Variants in VAV3 observed in about 807,000 individuals in gnomAD.
VAV3 encodes the protein vav guanine nucleotide exchange factor 3.
VAV3 carries 94 observed loss-of-function variants against 131.2 expected under a neutral mutation model. The observed-to-expected ratio is 0.72, with a 90% CI of 0.61 to 0.85. VAV3 has a LOEUF of 0.85. Among genes scored for constraint, VAV3 ranks in the 40% least tolerant of loss-of-function variants. The pLI, the probability that VAV3 is intolerant of heterozygous loss-of-function variation, is 0.00. For synonymous variants in VAV3, 349 were observed against 342.0 expected (o/e 1.02, Z -0.22); for missense variants, 939 against 1,002.7 (o/e 0.94, Z 0.86).
chr1:107,620,189 T>C (rs1323489894), intron 20 of VAV3, among the ~76,000 whole-genome samples: 1 of 152,128 alleles, frequency 6.6e-6, no homozygotes, highest in Non-Finnish European at 1.5e-5. Context: ...AGTGGGCCCT[T>C]AATAAATGTT....
At chr1:107,923,417 C>A (rs1012792431) in intron 1 of VAV3, among the ~76,000 whole-genome samples, 1 of 151,962 alleles carries the variant, frequency 6.6e-6, no homozygotes, top group Admixed American at 6.6e-5. Context: ...TTAGGTCATA[C>A]GAACAGAGCC....
intron 2 of VAV3, among the ~76,000 whole-genome samples, chr1:107,825,127 A>G (rs1031340736): frequency 6.6e-6 from 1 of 152,174 alleles, no homozygotes; most frequent in Non-Finnish European, 1.5e-5. Context: ...AAATGTGAGT[A>G]GCTGCAGCAG....
At chr1:107,891,187 T>C (rs371241020) in intron 1 of VAV3, among the ~76,000 whole-genome samples, 3 of 152,108 alleles carry the variant, frequency 2.0e-5, no homozygotes, top group East Asian at 1.9e-4. Flanking sequence ...ATAAATTGCA[T>C]AGTCATTCAT....
intron 2 of VAV3, among the ~76,000 whole-genome samples, chr1:107,783,147 G>A (rs1223701565): frequency 1.3e-5 from 2 of 152,198 alleles, no homozygotes; most frequent in Non-Finnish European, 2.9e-5. Flanking sequence ...TGAGGCAGGT[G>A]GGAAAGGTAG....
chr1:107,602,294 C>T, intron 24 of VAV3, 103 bp downstream of exon 24: 2 of 766,136 alleles, frequency 2.6e-6, no homozygotes, highest in Non-Finnish European at 3.9e-6. Flanking sequence ...CTTTAAATAA[C>T]TTTTCAGTGA....
intron 2 of VAV3, among the ~76,000 whole-genome samples, chr1:107,808,187 T>A (rs1031179936): frequency 6.6e-6 from 1 of 152,192 alleles, no homozygotes; most frequent in African/African-American, 2.4e-5. Context: ...CCATCTTTAG[T>A]AGAAATACGG....
chr1:107,733,461 C>T (rs942310000), intron 15 of VAV3, among the ~76,000 whole-genome samples: 3 of 152,094 alleles, frequency 2.0e-5, no homozygotes, highest in African/African-American at 7.2e-5. Flanking sequence ...GGAGGATGTT[C>T]GAACTCATCT....
intron 10 of VAV3, among the ~76,000 whole-genome samples, chr1:107,760,186 C>T (rs183514023): frequency 1.3e-5 from 2 of 152,246 alleles, no homozygotes; most frequent in Non-Finnish European, 2.9e-5. Flanking sequence ...GACTAATACA[C>T]TAAGACATTT....
chr1:107,864,081 G>A (rs1396486549), intron 2 of VAV3, among the ~76,000 whole-genome samples: 2 of 152,178 alleles, frequency 1.3e-5, no homozygotes, highest in Admixed American at 6.5e-5. Flanking sequence ...AGGTATGAGA[G>A]AGCCTAAGCC....
chr1:107,670,556 G>A (rs547808342), intron 19 of VAV3, among the ~76,000 whole-genome samples: 8 of 151,782 alleles, frequency 5.3e-5, no homozygotes, highest in East Asian at 1.9e-4. Flanking sequence ...CTTGTGCTTC[G>A]ATGGTGATTA....
In VAV3 at chr1:107,583,939, G is replaced by A. The variant is rs1453191881; in HGVS notation, c.2351-9741C>T. Among the ~76,000 whole-genome samples, 24 of 143,112 alleles carry A rather than the reference G, an allele frequency of 1.7e-4. No homozygotes were observed. In the East Asian group the frequency reaches 2.7e-3, roughly 16 times the overall value. 93.9% of individuals were successfully genotyped at this position (143,112 alleles called of 152,430 possible). On this transcript the variant is annotated intron_variant, in intron 25 of 26. Coordinates refer to ENST00000370056, the MANE Select transcript of VAV3 (RefSeq NM_006113.5). The stretch of plus-strand genomic sequence containing the variant: ...TTCATATGGAACCAAAAAAGAGCCC[G>A]CATCGCCAAGTCAATCCTAAGCCAA...
intron 1 of VAV3, among the ~76,000 whole-genome samples, chr1:107,910,197 CCTAT>C (rs1289019091): frequency 6.6e-6 from 1 of 152,170 alleles, no homozygotes; most frequent in East Asian, 1.9e-4. Context: ...TGTATCCAGG[CCTAT>C]CTAATTCCAA....
intron 20 of VAV3, among the ~76,000 whole-genome samples, chr1:107,620,652 T>C (rs1653511759): frequency 6.6e-6 from 1 of 152,276 alleles, no homozygotes; most frequent in East Asian, 1.9e-4. Context: ...AGCTGACTGT[T>C]TCTATAGGAA....
intron 1 of VAV3, among the ~76,000 whole-genome samples, chr1:107,940,294 C>T (rs1249932454): frequency 1.3e-5 from 2 of 152,190 alleles, no homozygotes; most frequent in African/African-American, 4.8e-5. Context: ...ATTATAAGGT[C>T]AGGCAAGACT....
intron 1 of VAV3, among the ~76,000 whole-genome samples, chr1:107,893,707 C>A (rs1006453766): frequency 6.6e-6 from 1 of 152,170 alleles, no homozygotes; most frequent in Non-Finnish European, 1.5e-5. Flanking sequence ...GTCACTCCCA[C>A]AACATGTGGG....
Position 107,772,795 on chromosome 1 carries a change from C to G in VAV3, c.495G>C (p.Gly165=), listed in dbSNP as rs755613620. The part of the protein sequence containing the change: ...DEEDLYDCVY[G]EDEGGEVYED... ...CATAGACTTCTCCACCTTCATCTTCCCCATAAACACAGTCATAGAGATCTT... is the reference window on the plus strand; with the variant it reads ...CATAGACTTCTCCACCTTCATCTTCGCCATAAACACAGTCATAGAGATCTT... The change falls in exon 5 of 27, where the codon GGG becomes GGC. Residue 165 remains glycine (G), a synonymous_variant. Transcript: ENST00000370056. 1.2e-6 allele frequency: 2 copies of G among 1,613,780 alleles called. No homozygotes were observed. Among genetic ancestry groups the G allele is most frequent in the Admixed American group, 3.3e-5 (2 of 60,002 alleles).
At chr1:107,685,443 T>C (rs528831315) in intron 18 of VAV3, among the ~76,000 whole-genome samples, 5 of 152,340 alleles carry the variant, frequency 3.3e-5, no homozygotes, top group African/African-American at 1.2e-4. Flanking sequence ...TATTAAGTGA[T>C]AGATTATTAG....
At position 107,776,698 on chromosome 1, in the gene VAV3, C is replaced by T. The variant is rs188736466; in HGVS notation, c.446+533G>A. On this transcript the variant is annotated intron_variant, in intron 4 of 26. Coordinates refer to ENST00000370056, the MANE Select transcript of VAV3 (RefSeq NM_006113.5). ...TCAGTTCCTTGAGGAGTAACGATCA[C>T]GCATATATTTATTTGTAATCTGTAC... is the stretch of plus-strand genomic sequence containing the variant. Among the ~76,000 whole-genome samples the T allele has an allele frequency of 3.0e-3, 462 of 152,302 alleles. 1 individual carries two copies. The highest frequency in any genetic ancestry group is 4.9e-3 in the Non-Finnish European group (335 of 68,038).
rs186522818 is a variant in VAV3 at position 107,635,948 on chromosome 1, T to C, written c.1914+6671A>G. 2.0e-5 allele frequency among the ~76,000 whole-genome samples: 3 copies of C among 152,298 alleles called. No individual in the cohort carries two copies. In the East Asian group the frequency reaches 5.8e-4, roughly 29 times the overall value. On this transcript the variant is annotated intron_variant, in intron 20 of 26. Coordinates refer to ENST00000370056, the MANE Select transcript of VAV3 (RefSeq NM_006113.5). ...GTGCCTCAGTTCACTCATCTATAAA[T>C]TGAGGATAATAATAGTAATTCATTT...
Sources: gnomAD v4.1 joint callset for allele counts (sites outside exome capture counted in the v4.1 genomes callset) on GRCh38, gnomAD v4.1.1 for gene constraint, MANE v1.5 for transcripts, NCBI Gene and HGNC (gene_info 2026-07-23, HGNC 2026-07-21) for gene names.